FAM227B: variants seen among roughly 807,000 people sequenced by gnomAD.
FAM227B encodes family with sequence similarity 227 member B, also known as protein FAM227B.
FAM227B carries 88 observed loss-of-function variants against 73.8 expected under a neutral mutation model. That is an observed-to-expected ratio of 1.19 (90% CI 1.00 to 1.42). FAM227B has a LOEUF of 1.42. FAM227B is among the 40% of genes most tolerant of loss of function. The pLI is 0.00. For missense variants in FAM227B, 632 were observed against 590.9 expected (o/e 1.07, Z -0.72); for synonymous variants, 210 against 190.5 (o/e 1.10, Z -0.84).
intron 3 of FAM227B, among the ~76,000 whole-genome samples, chr15:49,607,673 C>T (rs1004982364): frequency 1.3e-5 from 2 of 152,026 alleles, no homozygotes; most frequent in Admixed American, 6.5e-5. Context: ...ATAAAGTTTC[C>T]AAAAATTCCA....
chr15:49,363,167 T>C (rs2044543550), intron 13 of FAM227B, among the ~76,000 whole-genome samples: 1 of 152,188 alleles, frequency 6.6e-6, no homozygotes, highest in African/African-American at 2.4e-5. Context: ...AAGAATGTCA[T>C]TGGTAGTTTG....
At chr15:49,419,185 T>C (rs960840636) in intron 11 of FAM227B, among the ~76,000 whole-genome samples, 13 of 152,196 alleles carry the variant, frequency 8.5e-5, no homozygotes, top group African/African-American at 3.1e-4. Flanking sequence ...CAGCCCTGAT[T>C]CTCTGGAGTA....
At chr15:49,599,337 T>C (rs2077056993) in intron 3 of FAM227B, among the ~76,000 whole-genome samples, 1 of 152,104 alleles carries the variant, frequency 6.6e-6, no homozygotes, top group Admixed American at 6.5e-5. Context: ...CTTCTTTTTT[T>C]CCCTTAGTTT....
At chr15:49,598,126 A>G (rs2076985582) in intron 3 of FAM227B, among the ~76,000 whole-genome samples, 1 of 152,020 alleles carries the variant, frequency 6.6e-6, no homozygotes, top group Admixed American at 6.6e-5. Flanking sequence ...CATTCTATGA[A>G]GCCAGTATTA....
At chr15:49,372,137 CATTTATAAATA>C (rs2151481363) in intron 11 of FAM227B, among the ~76,000 whole-genome samples, 2 of 101,782 alleles carry the variant, frequency 2.0e-5, no homozygotes, top group South Asian at 3.4e-4. Context: ...AAATAAAATT[CATTTATAAATA>C]AATGAAATAA....
chr15:49,604,350 GT>G (rs34696974), intron 3 of FAM227B, among the ~76,000 whole-genome samples: 39 of 150,644 alleles, frequency 2.6e-4, no homozygotes, highest in African/African-American at 9.0e-4. Context: ...TTTGTTGGCA[GT>G]TTTTTTTTCA....
intron 11 of FAM227B, among the ~76,000 whole-genome samples, chr15:49,453,367 G>C (rs2151895264): frequency 6.6e-6 from 1 of 152,204 alleles, no homozygotes; most frequent in African/African-American, 2.4e-5. Flanking sequence ...GCCTCCCAAA[G>C]TGTTGAGATT....
At chr15:49,415,585 A>G (rs1270296644) in intron 11 of FAM227B, among the ~76,000 whole-genome samples, 2 of 152,208 alleles carry the variant, frequency 1.3e-5, no homozygotes, top group African/African-American at 4.8e-5. Context: ...GTTGTATCAC[A>G]ATTCAGTAAA....
intron 11 of FAM227B, among the ~76,000 whole-genome samples, chr15:49,461,830 T>G (rs2053824326): frequency 6.6e-6 from 1 of 152,222 alleles, no homozygotes; most frequent in African/African-American, 2.4e-5. Flanking sequence ...AAGCTCTCTA[T>G]CTACATATGG....
intron 5 of FAM227B, among the ~76,000 whole-genome samples, chr15:49,587,413 T>C (rs2076233142): frequency 6.6e-6 from 1 of 152,070 alleles, no homozygotes; most frequent in Non-Finnish European, 1.5e-5. Flanking sequence ...CAAAATAATC[T>C]GTACAGCAAA....
At chr15:49,549,921 C>A (rs1246905341) in intron 9 of FAM227B, among the ~76,000 whole-genome samples, 3 of 128,920 alleles carry the variant, frequency 2.3e-5, no homozygotes, top group South Asian at 2.4e-4. Context: ...GCTGACCCCC[C>A]CCACCTCCCT....
intron 11 of FAM227B, among the ~76,000 whole-genome samples, chr15:49,466,069 C>T (rs1440879733): frequency 6.6e-6 from 1 of 152,098 alleles, no homozygotes; most frequent in Non-Finnish European, 1.5e-5. Flanking sequence ...AATAGTACAG[C>T]AGTATGTTCT....
chr15:49,493,888 A>ATATATATATGTG lies in FAM227B; in HGVS notation c.1012+14322_1012+14323insCACATATATATA, dbSNP rs146161182. Reference sequence around the variant, plus strand: ...TATGTATGTGTATATATATATATATATGTGTGTGTGTGTATGTATGTGTGT... The same window carrying ATATATATATGTG: ...TATGTATGTGTATATATATATATATATATATATATGTGTGTGTGTGTGTGTATGTATGTGTGT... On this transcript the variant is annotated intron_variant, in intron 11 of 15. Coordinates refer to ENST00000299338, the MANE Select transcript of FAM227B (RefSeq NM_152647.3). 8.6e-3 allele frequency among the ~76,000 whole-genome samples: 1,282 copies of ATATATATATGTG among 148,886 alleles called. 22 individuals are homozygous for ATATATATATGTG. The highest frequency in any genetic ancestry group is 0.03 in the African/African-American group (1,219 of 40,384).
At chr15:49,588,956 A>G (rs2076360741) in intron 4 of FAM227B, among the ~76,000 whole-genome samples, 1 of 152,040 alleles carries the variant, frequency 6.6e-6, no homozygotes, top group South Asian at 2.1e-4. Context: ...TCTAATACCT[A>G]AAAACACTTT....
At chr15:49,594,234 A>C (rs1265878475) in intron 3 of FAM227B, among the ~76,000 whole-genome samples, 1 of 152,026 alleles carries the variant, frequency 6.6e-6, no homozygotes, top group Non-Finnish European at 1.5e-5. Flanking sequence ...TCTTTTGAGA[A>C]TTGTCTATTC....
intron 11 of FAM227B, among the ~76,000 whole-genome samples, chr15:49,462,042 C>G (rs1380206989): frequency 3.9e-5 from 6 of 151,994 alleles, no homozygotes; most frequent in Non-Finnish European, 5.9e-5. Context: ...TTGCTTGAAC[C>G]TGGCAGGTGG....
chr15:49,525,367 T>C (rs1490857749), intron 10 of FAM227B, among the ~76,000 whole-genome samples: 1 of 152,118 alleles, frequency 6.6e-6, no homozygotes, highest in Non-Finnish European at 1.5e-5. Context: ...CCTTGCCTTC[T>C]GCCATGATTG....
At chr15:49,614,117 C>A (rs1010428322) in intron 2 of FAM227B, among the ~76,000 whole-genome samples, 3 of 152,044 alleles carry the variant, frequency 2.0e-5, no homozygotes, top group African/African-American at 7.2e-5. Flanking sequence ...ATAATATGCA[C>A]ATTTAAATTA....
At chr15:49,615,096 C>T in intron 2 of FAM227B, 25 bp downstream of exon 2, 1 of 1,605,862 alleles carries the variant, frequency 6.2e-7, no homozygotes, top group Non-Finnish European at 8.5e-7. Context: ...TGTAAGTGAA[C>T]ATAAAGCTGT....
Sources: allele counts gnomAD v4.1 joint callset (sites outside exome capture counted in the v4.1 genomes callset), GRCh38; gene constraint gnomAD v4.1.1; transcripts MANE v1.5; gene names NCBI Gene and HGNC (gene_info 2026-07-23, HGNC 2026-07-21).